PARD3B: variants seen among roughly 807,000 people sequenced by gnomAD.
PARD3B encodes partitioning defective 3 homolog B.
A neutral mutation model predicts 130.2 loss-of-function variants in PARD3B; 103 were observed. The ratio of observed to expected loss-of-function variants is 0.79; its 90% CI spans 0.67 to 0.93. PARD3B has a LOEUF of 0.93. PARD3B is among the 40% of genes least tolerant of loss of function. PARD3B has a pLI of 0.00. For missense variants in PARD3B, 1,609 were observed against 1,499.2 expected, an observed-to-expected ratio of 1.07 and a Z score of -1.21; for synonymous variants, 583 against 553.2, an observed-to-expected ratio of 1.05 and a Z score of -0.76.
At chr2:204,944,136 C>T (rs953464252) in intron 2 of PARD3B, among the ~76,000 whole-genome samples, 1 of 152,176 alleles carries the variant, frequency 6.6e-6, no homozygotes, top group African/African-American at 2.4e-5. Context: ...ACCACTTAAA[C>T]AAGAAACAGC....
At chr2:204,651,322 C>T (rs1053186326) in intron 1 of PARD3B, among the ~76,000 whole-genome samples, 2 of 152,226 alleles carry the variant, frequency 1.3e-5, no homozygotes, top group African/African-American at 4.8e-5. Context: ...GGTAGATGCT[C>T]CCATTCCAAA....
intron 19 of PARD3B, among the ~76,000 whole-genome samples, chr2:205,415,415 A>C (rs2106069789): frequency 6.6e-6 from 1 of 152,296 alleles, no homozygotes; most frequent in South Asian, 2.1e-4. Context: ...AATGTTAAGA[A>C]ATGGGCACTT....
intron 1 of PARD3B, among the ~76,000 whole-genome samples, chr2:204,583,193 T>G (rs868539260): frequency 8.1e-6 from 1 of 123,402 alleles, no homozygotes. Flanking sequence ...TATTGCGGCA[T>G]TATTCACAAT....
At chr2:204,785,777 A>G (rs1344439852) in intron 2 of PARD3B, among the ~76,000 whole-genome samples, 1 of 152,166 alleles carries the variant, frequency 6.6e-6, no homozygotes, top group East Asian at 1.9e-4. Context: ...ATATTGTTTT[A>G]ATTATTGAAC....
chr2:205,169,141 G>A (rs1175173968), intron 11 of PARD3B, among the ~76,000 whole-genome samples: 1 of 152,080 alleles, frequency 6.6e-6, no homozygotes, highest in East Asian at 1.9e-4. Context: ...TACTGGCATC[G>A]CCATTAATGA....
intron 2 of PARD3B, among the ~76,000 whole-genome samples, chr2:204,716,864 T>C (rs2125311661): frequency 6.6e-6 from 1 of 152,218 alleles, no homozygotes; most frequent in African/African-American, 2.4e-5. Flanking sequence ...CCTCGTGATC[T>C]GCCTGCGTCG....
rs527969084 is a variant in PARD3B, at chr2:205,462,011, T to C, written c.3044+21339T>C. On this transcript the variant is annotated intron_variant, in intron 20 of 22. Transcript: ENST00000406610. ...ACTTCTTTGTAAGCATGACTTACCT[T>C]ATACATCTGTGTTCCCAGTGCTTAG... is the stretch of plus-strand genomic sequence containing the variant. Among the ~76,000 whole-genome samples the C allele has an allele frequency of 4.6e-5, 7 of 152,374 alleles. No individual in the cohort carries two copies. The South Asian group carries it at 1.5e-3, about 32-fold the overall frequency.
In PARD3B at chr2:204,838,974, T is replaced by A. The variant is rs184227531; in HGVS notation, c.223-126178T>A. ...GTATCCTCTGTTCACTATGTGTAGA[T>A]CATAAGTTGAGGAAAGAGATTTTAA... On this transcript the variant is annotated intron_variant, in intron 2 of 22. Coordinates refer to ENST00000406610, the MANE Select transcript of PARD3B (RefSeq NM_001302769.2). 1.1e-4 allele frequency among the ~76,000 whole-genome samples: 16 copies of A among 152,256 alleles called. No homozygotes were observed. The East Asian group carries it at 3.1e-3, about 29-fold the overall frequency.
At chr2:205,338,152 CAAAAAAAAA>C (rs1159561152) in intron 18 of PARD3B, among the ~76,000 whole-genome samples, 2 of 20,450 alleles carry the variant, frequency 9.8e-5, no homozygotes, top group African/African-American at 1.3e-4. Flanking sequence ...GACTCCATCT[CAAAAAAAAA>C]AAAAAAAAAA....
chr2:205,335,931 C>G (rs908913867), intron 18 of PARD3B, among the ~76,000 whole-genome samples: 1 of 152,140 alleles, frequency 6.6e-6, no homozygotes. Context: ...ACAAGTAAGA[C>G]TATAATTCAA....
intron 1 of PARD3B, among the ~76,000 whole-genome samples, chr2:204,637,818 A>T (rs991226528): frequency 1.3e-5 from 2 of 151,228 alleles, no homozygotes; most frequent in Non-Finnish European, 2.9e-5. Context: ...TCACAACAGT[A>T]TCTCTTTTGG....
In PARD3B at chr2:205,351,035, T is replaced by TA. The variant is rs1165127840; in HGVS notation, c.2630+49341dup. Reference sequence around the variant, plus strand: ...TCAAAACAATGATAAGAGCAACTTCTAAAAAAATCTGTCTTCTTGGTTCAG... The same window carrying TA: ...TCAAAACAATGATAAGAGCAACTTCTAAAAAAAATCTGTCTTCTTGGTTCAG... On this transcript the variant is annotated intron_variant, in intron 18 of 22. Transcript: ENST00000406610. This position sits in a 1 kb window ranked among gnomAD's most constrained non-coding sequence, Gnocchi z 4.2. Among the ~76,000 whole-genome samples the TA allele has an allele frequency of 6.6e-6, 1 of 152,198 alleles. No homozygotes were observed. The highest frequency in any genetic ancestry group is 1.5e-5 in the Non-Finnish European group (1 of 68,032).
chr2:204,546,287 G>A (rs2029927627), intron 1 of PARD3B, 168 bp downstream of exon 1: 1 of 1,003,740 alleles, frequency 1.0e-6, no homozygotes, highest in Middle Eastern at 2.1e-4. Context: ...GTCTTTGGGT[G>A]TTTGTGGGCC....
At position 205,499,910 on chromosome 2, in the gene PARD3B, G is replaced by A. The variant is rs1336259059; in HGVS notation, c.3059G>A (p.Gly1020Asp). The A allele has an allele frequency of 6.2e-7, 1 of 1,613,726 alleles. No individual in the cohort carries two copies. The highest frequency in any genetic ancestry group is 8.5e-7 in the Non-Finnish European group (1 of 1,179,660). ...ATATCCTGTAGTGGCCGTCCTACGG[G>A]TGGAAGCACTGACCGTATCCAGAAG... ...LVPADSGRPTGGSTDRIQKLR... is the reference protein window; with the variant it reads ...LVPADSGRPTDGSTDRIQKLR... Residue 1020 changes from glycine (G) to aspartate (D), a missense_variant, in exon 21 of 23, where the codon GGT (glycine) becomes GAT (aspartate). Physicochemically the swap from Gly to Asp is moderately conservative, Grantham distance 94. Transcript: ENST00000406610.
chr2:205,383,371 T>G (rs1306704484), intron 18 of PARD3B, among the ~76,000 whole-genome samples: 2 of 152,034 alleles, frequency 1.3e-5, no homozygotes, highest in Non-Finnish European at 2.9e-5. Context: ...TTCATAAATT[T>G]TTTTTCAGAA....
rs184809318 is a variant in PARD3B at position 204,949,082 on chromosome 2, A to G, written c.223-16070A>G. Among the ~76,000 whole-genome samples the G allele has an allele frequency of 1.1e-4, 17 of 152,306 alleles. No homozygotes were observed. In the East Asian group the frequency reaches 3.1e-3, roughly 28 times the overall value. ...CTTCCTCATACTCAGAGATGTTTTTATGAGATAAAACTATTGAAAACAGAT... is the reference window on the plus strand; with the variant it reads ...CTTCCTCATACTCAGAGATGTTTTTGTGAGATAAAACTATTGAAAACAGAT... On this transcript the variant is annotated intron_variant, in intron 2 of 22. Transcript: ENST00000406610.
chr2:204,612,997 A>T (rs1323953606), intron 1 of PARD3B, among the ~76,000 whole-genome samples: 1 of 152,124 alleles, frequency 6.6e-6, no homozygotes, highest in Admixed American at 6.6e-5. Flanking sequence ...TTGTATTAGT[A>T]TGATGATAAA....
intron 1 of PARD3B, among the ~76,000 whole-genome samples, chr2:204,638,341 T>G (rs1574596361): frequency 6.6e-6 from 1 of 152,210 alleles, no homozygotes; most frequent in Non-Finnish European, 1.5e-5. Flanking sequence ...TTCATAGATA[T>G]CATCTTCTAC....
intron 1 of PARD3B, among the ~76,000 whole-genome samples, chr2:204,579,116 A>AATCATCATC (rs374676828): frequency 0.015 from 2,210 of 150,788 alleles, 72 homozygotes; most frequent in East Asian, 0.12. Context: ...TATGAAAGGA[A>AATCATCATC]ATCATCATCA....
Sources: gnomAD v4.1 joint callset for allele counts (sites outside exome capture counted in the v4.1 genomes callset) on GRCh38, gnomAD v4.1.1 for gene constraint, Gnocchi (gnomAD v3.1) non-coding constraint, MANE v1.5 for transcripts, NCBI Gene and HGNC (gene_info 2026-07-23, HGNC 2026-07-21) for gene names.